Variants in CORIN observed in about 807,000 individuals in gnomAD.
The protein encoded by CORIN is atrial natriuretic peptide-converting enzyme.
A neutral mutation model predicts 125.3 loss-of-function variants in CORIN; 117 were observed. The observed-to-expected ratio is 0.93, with a 90% CI of 0.80 to 1.09. The LOEUF (loss-of-function observed/expected upper bound fraction) is 1.09, where lower values mean the gene tolerates loss of function less well. Among genes scored for constraint, CORIN ranks in the 50% least tolerant of loss-of-function variants. The pLI, the probability that CORIN is intolerant of heterozygous loss-of-function variation, is 0.00. For synonymous variants in CORIN, 450 were observed against 466.4 expected (o/e 0.96, Z 0.45); for missense variants, 1,253 against 1,306.7 (o/e 0.96, Z 0.63).
chr4:47,684,610 T>C (rs755712161), intron 6 of CORIN, among the ~76,000 whole-genome samples: 2 of 152,178 alleles, frequency 1.3e-5, no homozygotes, highest in East Asian at 1.9e-4. Flanking sequence ...AGCCACTTAA[T>C]AGGGTTTGAA....
intron 1 of CORIN, among the ~76,000 whole-genome samples, chr4:47,826,799 G>A (rs909805308): frequency 4.2e-4 from 64 of 151,936 alleles, no homozygotes; most frequent in African/African-American, 1.4e-3. Context: ...GGAACATCTC[G>A]CTCCATAAAG....
intron 16 of CORIN, among the ~76,000 whole-genome samples, chr4:47,628,380 C>T (rs1343407898): frequency 2.0e-5 from 3 of 151,564 alleles, no homozygotes; most frequent in African/African-American, 7.3e-5. Context: ...TATATGTATA[C>T]CTTGTGAAAT....
intron 16 of CORIN, among the ~76,000 whole-genome samples, chr4:47,627,219 G>C (rs1722615701): frequency 6.6e-6 from 1 of 152,118 alleles, no homozygotes; most frequent in Admixed American, 6.5e-5. Flanking sequence ...CTGACCTCAA[G>C]TGGTCTGCCC....
At chr4:47,771,364 C>A (rs974318807) in intron 3 of CORIN, among the ~76,000 whole-genome samples, 2 of 152,132 alleles carry the variant, frequency 1.3e-5, no homozygotes, top group Non-Finnish European at 2.9e-5. Context: ...TTAGGAAGAT[C>A]TGTAAGAGGG....
intron 10 of CORIN, among the ~76,000 whole-genome samples, chr4:47,671,879 G>A (rs1236859563): frequency 1.3e-5 from 2 of 152,102 alleles, no homozygotes; most frequent in Admixed American, 6.6e-5. Context: ...GTGAGCCACC[G>A]CGCCCGGCCT....
chr4:47,632,733 A>AGAT (rs1553905898), intron 16 of CORIN, among the ~76,000 whole-genome samples: 5 of 110,744 alleles, frequency 4.5e-5, no homozygotes, highest in African/African-American at 1.4e-4. Flanking sequence ...GATGATAGAT[A>AGAT]GATAGATAGA....
chr4:47,751,750 G>A (rs930050272), intron 4 of CORIN, among the ~76,000 whole-genome samples: 26 of 152,076 alleles, frequency 1.7e-4, no homozygotes. Flanking sequence ...CCTCTATTAC[G>A]CTAAGTCCCT....
intron 10 of CORIN, among the ~76,000 whole-genome samples, chr4:47,672,903 C>G (rs751999725): frequency 6.6e-6 from 1 of 152,016 alleles, no homozygotes; most frequent in Admixed American, 6.6e-5. Context: ...TCCCAGCCTC[C>G]TTTTTTCACC....
intron 5 of CORIN, among the ~76,000 whole-genome samples, chr4:47,719,491 T>A (rs1466301831): frequency 2.0e-5 from 3 of 152,212 alleles, no homozygotes; most frequent in Non-Finnish European, 2.9e-5. Flanking sequence ...CAAATTATTC[T>A]CCTTTACTTA....
At chr4:47,614,925 T>C (rs1056446612) in intron 19 of CORIN, among the ~76,000 whole-genome samples, 1 of 152,136 alleles carries the variant, frequency 6.6e-6, no homozygotes, top group South Asian at 2.1e-4. Context: ...CTCGGGCACT[T>C]AGAAGTAAAA....
intron 5 of CORIN, among the ~76,000 whole-genome samples, chr4:47,715,124 C>T (rs1727026530): frequency 6.6e-6 from 1 of 152,066 alleles, no homozygotes; most frequent in Non-Finnish European, 1.5e-5. Flanking sequence ...AGTACACATA[C>T]AATGAAGCAA....
At chr4:47,771,674 A>G (rs751890006) in intron 3 of CORIN, among the ~76,000 whole-genome samples, 1 of 152,182 alleles carries the variant, frequency 6.6e-6, no homozygotes, top group African/African-American at 2.4e-5. Flanking sequence ...GCTCCCACTT[A>G]TAAGTGAAAA....
At chr4:47,710,403 C>T (rs1452429121) in intron 5 of CORIN, among the ~76,000 whole-genome samples, 1 of 152,204 alleles carries the variant, frequency 6.6e-6, no homozygotes, top group Non-Finnish European at 1.5e-5. Context: ...TTGATAAATG[C>T]TTTATTGCAA....
chr4:47,712,223 CATAAT>C (rs545753837), intron 5 of CORIN, among the ~76,000 whole-genome samples: 54 of 152,008 alleles, frequency 3.6e-4, no homozygotes, highest in Non-Finnish European at 6.8e-4. Context: ...ATAATATAGT[CATAAT>C]ATGACACATT....
intron 15 of CORIN, among the ~76,000 whole-genome samples, 183 bp from the exon 16 acceptor site, chr4:47,642,232 AT>A (rs1214471081): frequency 2.0e-5 from 3 of 152,206 alleles, no homozygotes; most frequent in Non-Finnish European, 4.4e-5. Context: ...TAAAAAAAAA[AT>A]GAATTAGAAA....
chr4:47,738,704 A>G (rs1396544023), intron 5 of CORIN, among the ~76,000 whole-genome samples: 1 of 152,228 alleles, frequency 6.6e-6, no homozygotes, highest in Non-Finnish European at 1.5e-5. Context: ...GGGAAAAAAC[A>G]GTCAACAAAA....
At chr4:47,692,790 C>T (rs148833886) in intron 6 of CORIN, among the ~76,000 whole-genome samples, 180 bp downstream of exon 6, 293 of 152,234 alleles carry the variant, frequency 1.9e-3, no homozygotes, top group African/African-American at 6.8e-3. Flanking sequence ...ACCTGTTGAG[C>T]TCCTAATAAA....
chr4:47,808,233 A>G lies in CORIN; in HGVS notation c.64-1186T>C, dbSNP rs538682627. Among the ~76,000 whole-genome samples the G allele has an allele frequency of 1.4e-4, 22 of 152,290 alleles. No homozygotes were observed. The South Asian group carries it at 3.9e-3, about 27-fold the overall frequency. On this transcript the variant is annotated intron_variant, in intron 1 of 21. Transcript: ENST00000273857. ...TCATCCCCCTATGCCGTACATCACC[A>G]GGTTTTGTTGGTTCTTCCTCTTAAT... is the stretch of plus-strand genomic sequence containing the variant.
intron 5 of CORIN, among the ~76,000 whole-genome samples, chr4:47,717,766 A>G (rs1325224578): frequency 2.0e-5 from 3 of 152,202 alleles, no homozygotes; most frequent in Admixed American, 6.5e-5. Context: ...AAGTATCTGT[A>G]TTACATTTAA....
Sources: gnomAD v4.1 joint callset for allele counts (sites outside exome capture counted in the v4.1 genomes callset) on GRCh38, gnomAD v4.1.1 for gene constraint, MANE v1.5 for transcripts, NCBI Gene and HGNC (gene_info 2026-07-23, HGNC 2026-07-21) for gene names.